TNIK: variants seen among roughly 807,000 people sequenced by gnomAD.
The protein encoded by TNIK is TRAF2 and NCK-interacting protein kinase.
TNIK carries 49 observed loss-of-function variants against 191.3 expected under a neutral mutation model. The observed-to-expected ratio is 0.26, with a 90% CI of 0.20 to 0.32. The LOEUF (loss-of-function observed/expected upper bound fraction) is 0.32. Among genes scored for constraint, TNIK ranks in the 10% least tolerant of loss-of-function variants. TNIK has a pLI of 1.00. For missense variants in TNIK, 1,155 were observed against 1,702.3 expected (o/e 0.68, Z 5.66); for synonymous variants, 594 against 600.9 (o/e 0.99, Z 0.17).
At chr3:171,343,639 T>C (rs1711657248) in intron 2 of TNIK, among the ~76,000 whole-genome samples, 1 of 152,208 alleles carries the variant, frequency 6.6e-6, no homozygotes, top group Non-Finnish European at 1.5e-5. Context: ...TGAATGGGCA[T>C]TGAGACTAAG....
At chr3:171,415,988 A>G (rs1723004121) in intron 1 of TNIK, among the ~76,000 whole-genome samples, 1 of 147,612 alleles carries the variant, frequency 6.8e-6, no homozygotes, top group South Asian at 2.1e-4. Flanking sequence ...AAAAAAAAAA[A>G]AAAAAAAAAG....
intron 2 of TNIK, among the ~76,000 whole-genome samples, chr3:171,319,593 A>T (rs894015153): frequency 6.6e-6 from 1 of 152,148 alleles, no homozygotes; most frequent in African/African-American, 2.4e-5. Flanking sequence ...TAACTGGCTG[A>T]CCCGACAGAC....
At chr3:171,091,854 G>C (rs1380270302) in intron 23 of TNIK, among the ~76,000 whole-genome samples, 1 of 152,074 alleles carries the variant, frequency 6.6e-6, no homozygotes, top group Admixed American at 6.5e-5. Context: ...ATTGAGGAAG[G>C]CAGAATTGGA....
chr3:171,154,321 C>A (rs1373213339), intron 12 of TNIK, among the ~76,000 whole-genome samples: 2 of 150,892 alleles, frequency 1.3e-5, no homozygotes, highest in Admixed American at 6.6e-5. Flanking sequence ...CCAGATAGAA[C>A]TGGTTATTTT....
intron 8 of TNIK, 126 bp from the exon 9 acceptor site, chr3:171,175,456 A>G: frequency 1.5e-6 from 1 of 680,604 alleles, no homozygotes; most frequent in Admixed American, 3.1e-5. Context: ...GTGAGCACAA[A>G]GTCAGAATAT....
intron 3 of TNIK, chr3:171,225,856 AATTT>A (rs1742906212): frequency 6.0e-6 from 2 of 334,396 alleles, no homozygotes; most frequent in Non-Finnish European, 1.2e-5. Context: ...CACACAATAG[AATTT>A]AATATACAGC....
intron 2 of TNIK, among the ~76,000 whole-genome samples, chr3:171,243,709 A>T (rs1014105258): frequency 6.6e-6 from 1 of 152,058 alleles, no homozygotes; most frequent in Non-Finnish European, 1.5e-5. Flanking sequence ...AATGGATTTT[A>T]CTCCTAGAGG....
chr3:171,421,356 C>T (rs2108630894), intron 1 of TNIK, among the ~76,000 whole-genome samples: 1 of 152,338 alleles, frequency 6.6e-6, no homozygotes. Context: ...GTGATAAATT[C>T]ACCCATCTGA....
At chr3:171,179,453 GT>G (rs113707866) in intron 7 of TNIK, among the ~76,000 whole-genome samples, 12,014 of 146,240 alleles carry the variant, frequency 0.082, 717 homozygotes, top group African/African-American at 0.17. Flanking sequence ...TGGGTTTTTT[GT>G]TTTTTTTTTT....
intron 18 of TNIK, among the ~76,000 whole-genome samples, chr3:171,119,599 G>A (rs941011535): frequency 2.0e-5 from 3 of 152,164 alleles, no homozygotes; most frequent in African/African-American, 7.2e-5. Context: ...TATACACCAT[G>A]GAATACTATG....
chr3:171,341,246 G>T (rs1577545706), intron 2 of TNIK, among the ~76,000 whole-genome samples: 1 of 152,070 alleles, frequency 6.6e-6, no homozygotes, highest in Non-Finnish European at 1.5e-5. Context: ...GCCGAGGCAG[G>T]TGGATCACTT....
intron 2 of TNIK, chr3:171,346,989 G>T (rs1712306526): frequency 3.0e-6 from 2 of 658,352 alleles, no homozygotes; most frequent in Non-Finnish European, 2.5e-6. Context: ...GAATGTAGGG[G>T]CTGCAAGGAT....
At chr3:171,207,391 G>T (rs1239678531) in intron 4 of TNIK, among the ~76,000 whole-genome samples, 5 of 151,254 alleles carry the variant, frequency 3.3e-5, no homozygotes, top group African/African-American at 1.2e-4. Context: ...TAGAGATGAG[G>T]CCTCACTATG....
At chr3:171,093,536 G>T (rs958594557) in intron 23 of TNIK, among the ~76,000 whole-genome samples, 27 of 152,140 alleles carry the variant, frequency 1.8e-4, no homozygotes, top group African/African-American at 6.5e-4. Flanking sequence ...TTTTCCTGTT[G>T]TAGGAAACAT....
At chr3:171,181,002 G>C (rs1042401576) in intron 7 of TNIK, among the ~76,000 whole-genome samples, 5 of 152,150 alleles carry the variant, frequency 3.3e-5, no homozygotes, top group African/African-American at 1.2e-4. Context: ...TAGAAAGAAA[G>C]AAACAGGTAT....
chr3:171,124,011 C>T (rs747996002), intron 17 of TNIK, among the ~76,000 whole-genome samples: 4 of 152,166 alleles, frequency 2.6e-5, no homozygotes, highest in Non-Finnish European at 4.4e-5. Flanking sequence ...ATTGACCTCT[C>T]TTGGTTGGGC....
chr3:171,219,050 TTAATA>T (rs551885632), intron 3 of TNIK, among the ~76,000 whole-genome samples: 3,642 of 61,238 alleles, frequency 0.059, 91 homozygotes, highest in South Asian at 0.11. Context: ...TAAATTATAT[TTAATA>T]TAATATATTA....
At chr3:171,120,936 G>A (rs1042760055) in intron 18 of TNIK, among the ~76,000 whole-genome samples, 4 of 152,254 alleles carry the variant, frequency 2.6e-5, no homozygotes, top group Admixed American at 6.5e-5. Context: ...GGAGTCAGGC[G>A]GTTTTGGTTT....
chr3:171,127,914 A>C (rs542260001), intron 16 of TNIK, among the ~76,000 whole-genome samples: 11 of 152,352 alleles, frequency 7.2e-5, no homozygotes, highest in African/African-American at 2.6e-4. Flanking sequence ...GAAATTTAAG[A>C]CATTTGGCAG....
Sources: gnomAD v4.1 joint callset for allele counts (sites outside exome capture counted in the v4.1 genomes callset) on GRCh38, gnomAD v4.1.1 for gene constraint, MANE v1.5 for transcripts, NCBI Gene and HGNC (gene_info 2026-07-23, HGNC 2026-07-21) for gene names.